The following ERBB4 variants were observed in gnomAD, a reference collection of about 807,000 sequenced individuals.
ERBB4 encodes erb-b2 receptor tyrosine kinase 4.
A neutral mutation model predicts 158.0 loss-of-function variants in ERBB4; 42 were observed. The ratio of observed to expected loss-of-function variants is 0.27; its 90% CI spans 0.21 to 0.34. The LOEUF (loss-of-function observed/expected upper bound fraction) is 0.34, where lower values mean the gene tolerates loss of function less well. Among genes scored for constraint, ERBB4 ranks in the 10% least tolerant of loss-of-function variants. ERBB4 has a pLI of 1.00. For missense variants in ERBB4, 1,333 were observed against 1,624.1 expected (o/e 0.82, Z 3.08); for synonymous variants, 583 against 558.7 (o/e 1.04, Z -0.61).
chr2:212,277,229 T>A (rs2085573635), intron 1 of ERBB4, among the ~76,000 whole-genome samples: 2 of 151,768 alleles, frequency 1.3e-5, no homozygotes, highest in African/African-American at 4.8e-5. Flanking sequence ...TCCAGCACTA[T>A]CAATCTTAAA....
rs139177844 is a variant in ERBB4 at position 211,959,033 on chromosome 2, G to A, written c.235-11417C>T. ...GCAAATATAACCAAACAATCCTAAC[G>A]TAAATGTATTTTTAAATTTGCACTT... On this transcript the variant is annotated intron_variant, in intron 2 of 27. Transcript: ENST00000342788. Among the ~76,000 whole-genome samples, 31 of 152,020 alleles carry A rather than the reference G, an allele frequency of 2.0e-4. No homozygotes were observed. The East Asian group carries it at 3.1e-3, about 15-fold the overall frequency.
At chr2:212,119,988 G>T (rs189348380) in intron 2 of ERBB4, among the ~76,000 whole-genome samples, 9 of 152,146 alleles carry the variant, frequency 5.9e-5, no homozygotes, top group African/African-American at 2.2e-4. Flanking sequence ...TGTACTAAAA[G>T]GAAACAATCT....
rs553400035 is a variant in ERBB4, at chr2:212,221,154, C to G, written c.83-96251G>C. On this transcript the variant is annotated intron_variant, in intron 1 of 27. Coordinates refer to ENST00000342788, the MANE Select transcript of ERBB4 (RefSeq NM_005235.3). ...AGTCTCCAGTTGCAAATATATAAAT[C>G]TAAGCATTACAATGAAAGTGCTTGG... Among the ~76,000 whole-genome samples, 4 of 151,494 alleles carry G rather than the reference C, an allele frequency of 2.6e-5. No homozygotes were observed. The South Asian group carries it at 8.3e-4, about 31-fold the overall frequency.
At chr2:211,542,654 G>T (rs2066840235) in intron 20 of ERBB4, among the ~76,000 whole-genome samples, 1 of 151,932 alleles carries the variant, frequency 6.6e-6, no homozygotes, top group South Asian at 2.1e-4. Context: ...TGACAGGTTT[G>T]ACTAAGAGTG....
At chr2:212,000,415 T>C (rs1024921384) in intron 2 of ERBB4, among the ~76,000 whole-genome samples, 41 of 152,018 alleles carry the variant, frequency 2.7e-4, no homozygotes, top group African/African-American at 8.9e-4. Flanking sequence ...AGATTTCTTA[T>C]ACTGATAGTT....
At chr2:212,525,413 G>C (rs1692396816) in intron 1 of ERBB4, among the ~76,000 whole-genome samples, 1 of 151,774 alleles carries the variant, frequency 6.6e-6, no homozygotes, top group Non-Finnish European at 1.5e-5. Context: ...ATGATGAGAT[G>C]AACAATTCAT....
intron 1 of ERBB4, among the ~76,000 whole-genome samples, chr2:212,233,178 C>A (rs1458804645): frequency 1.3e-5 from 2 of 152,038 alleles, no homozygotes; most frequent in South Asian, 2.1e-4. Context: ...AATGACCATG[C>A]TTTACACCTG....
chr2:211,409,235 T>C (rs2063207078), intron 25 of ERBB4, among the ~76,000 whole-genome samples: 1 of 152,140 alleles, frequency 6.6e-6, no homozygotes, highest in African/African-American at 2.4e-5. Context: ...CTTTTTACCA[T>C]GTAACCTGGA....
chr2:211,932,761 A>G (rs2080212123), intron 3 of ERBB4, among the ~76,000 whole-genome samples: 1 of 151,992 alleles, frequency 6.6e-6, no homozygotes, highest in South Asian at 2.1e-4. Context: ...AATGTTTCTT[A>G]CTAAGTCATA....
intron 2 of ERBB4, among the ~76,000 whole-genome samples, chr2:211,989,934 C>T (rs765119462): frequency 6.6e-6 from 1 of 151,600 alleles, no homozygotes; most frequent in African/African-American, 2.4e-5. Context: ...ATCATTCATC[C>T]CTTAGCTTGC....
chr2:211,510,871 T>C (rs2065868652), intron 20 of ERBB4, among the ~76,000 whole-genome samples: 1 of 152,068 alleles, frequency 6.6e-6, no homozygotes, highest in Non-Finnish European at 1.5e-5. Flanking sequence ...TGTCCTGACG[T>C]AGCTTTAGAC....
At chr2:212,522,344 T>C (rs1692216209) in intron 1 of ERBB4, among the ~76,000 whole-genome samples, 1 of 151,992 alleles carries the variant, frequency 6.6e-6, no homozygotes, top group Non-Finnish European at 1.5e-5. Flanking sequence ...TATTATGATT[T>C]CTTGGCTTTT....
chr2:212,235,832 T>G (rs1450330911), intron 1 of ERBB4, among the ~76,000 whole-genome samples: 1 of 152,230 alleles, frequency 6.6e-6, no homozygotes, highest in Non-Finnish European at 1.5e-5. Context: ...TCCTGAGACT[T>G]TGCTGAAGTT....
In ERBB4 at chr2:211,428,485, T is replaced by TATAGAGAAGTAAG. The variant is rs1372196861; in HGVS notation, c.2644-15_2644-3dup. On this transcript the variant is annotated splice_polypyrimidine_tract_variant and splice_region_variant and intron_variant, in intron 21 of 27. Coordinates refer to ENST00000342788, the MANE Select transcript of ERBB4 (RefSeq NM_005235.3). ...CAGAGCCATCCATTTAATTGGCATC[T>TATAGAGAAGTAAG]ATAGAGAAGTAAGAAGTAAAAGTTT... 2.0e-6 allele frequency: 3 copies of TATAGAGAAGTAAG among 1,498,994 alleles called. No homozygotes were observed. The highest frequency in any genetic ancestry group is 1.1e-5 in the South Asian group (1 of 88,322). 92.9% of individuals were successfully genotyped at this position (1,498,994 alleles called of 1,614,324 possible).
At chr2:211,752,035 G>A (rs554257565) in intron 4 of ERBB4, among the ~76,000 whole-genome samples, 171 of 152,190 alleles carry the variant, frequency 1.1e-3, no homozygotes, top group Non-Finnish European at 2.1e-3. Flanking sequence ...ATAATATCCT[G>A]TCACTCTGCC....
In ERBB4 at chr2:212,235,384, T is replaced by C. The variant is rs543359696; in HGVS notation, c.83-110481A>G. On this transcript the variant is annotated intron_variant, in intron 1 of 27. Transcript: ENST00000342788. ...TGCTGTTTTGGTTACTGTAGCTTTG[T>C]AGTATTGCTTGAAGTCAGGTAGCAT... Among the ~76,000 whole-genome samples the C allele has an allele frequency of 4.4e-4, 67 of 152,290 alleles. No homozygotes were observed. The South Asian group carries it at 0.013, about 29-fold the overall frequency.
chr2:212,096,102 G>A (rs1214261637), intron 2 of ERBB4, among the ~76,000 whole-genome samples: 1 of 151,992 alleles, frequency 6.6e-6, no homozygotes, highest in Non-Finnish European at 1.5e-5. Flanking sequence ...TGCAAACAAT[G>A]TCATAGTTTG....
chr2:212,286,175 G>C (rs1370263846), intron 1 of ERBB4, among the ~76,000 whole-genome samples: 1 of 152,058 alleles, frequency 6.6e-6, no homozygotes, highest in East Asian at 1.9e-4. Context: ...AAAACAGGCA[G>C]CTAACTACTA....
At chr2:212,364,342 T>C (rs2089801946) in intron 1 of ERBB4, among the ~76,000 whole-genome samples, 1 of 151,670 alleles carries the variant, frequency 6.6e-6, no homozygotes, top group African/African-American at 2.4e-5. Context: ...TTCAAAAAAA[T>C]GAATTTCTGT....
Sources: gnomAD v4.1 joint callset for allele counts (sites outside exome capture counted in the v4.1 genomes callset) on GRCh38, gnomAD v4.1.1 for gene constraint, MANE v1.5 for transcripts, NCBI Gene and HGNC (gene_info 2026-07-23, HGNC 2026-07-21) for gene names.